Variants in ANO2 observed in about 807,000 individuals in gnomAD.
The protein encoded by ANO2 is anoctamin-2.
Under a neutral mutation model 124.2 loss-of-function variants are expected in ANO2, and 101 were observed. The ratio of observed to expected loss-of-function variants is 0.81; its 90% confidence interval spans 0.69 to 0.96. The LOEUF is 0.96. ANO2 is among the 40% of genes least tolerant of loss of function. The pLI is 0.00. For missense variants in ANO2, 1,293 were observed against 1,274.5 expected, an observed-to-expected ratio of 1.01 and a Z score of -0.22; for synonymous variants, 486 against 482.5, an observed-to-expected ratio of 1.01 and a Z score of -0.09.
chr12:5,645,423 G>T (rs542524162), intron 15 of ANO2, among the ~76,000 whole-genome samples: 2 of 147,880 alleles, frequency 1.4e-5, no homozygotes, highest in African/African-American at 5.3e-5. Context: ...TCGTGTGTGT[G>T]TGAATGTGTG....
chr12:5,921,517 G>A (rs780919798), intron 2 of ANO2, among the ~76,000 whole-genome samples, 151 bp from the exon 3 acceptor site: 10 of 152,102 alleles, frequency 6.6e-5, no homozygotes, highest in African/African-American at 9.7e-5. Flanking sequence ...TAAAAGGACC[G>A]AATGGCCTAA....
intron 13 of ANO2, among the ~76,000 whole-genome samples, chr12:5,734,148 G>C (rs1950759772): frequency 1.3e-5 from 2 of 152,204 alleles, no homozygotes; most frequent in Admixed American, 1.3e-4. Flanking sequence ...GAAAACACTA[G>C]AACGTATCGA....
At chr12:5,686,693 G>T (rs1948724823) in intron 14 of ANO2, among the ~76,000 whole-genome samples, 1 of 152,232 alleles carries the variant, frequency 6.6e-6, no homozygotes, top group Admixed American at 6.5e-5. Flanking sequence ...TGGCACCAAA[G>T]CAGGCAGCAA....
At chr12:5,571,296 G>A (rs1408232415) in intron 23 of ANO2, among the ~76,000 whole-genome samples, 1 of 152,246 alleles carries the variant, frequency 6.6e-6, no homozygotes, top group African/African-American at 2.4e-5. Flanking sequence ...AATCATGCCT[G>A]CAGATTGATG....
intron 16 of ANO2, among the ~76,000 whole-genome samples, chr12:5,617,153 A>G (rs1347545008): frequency 8.1e-6 from 1 of 124,018 alleles, no homozygotes; most frequent in African/African-American, 3.1e-5. Context: ...CAGTGTACCA[A>G]CCTCTCCAGA....
chr12:5,732,230 A>G (rs1592014311), intron 14 of ANO2, among the ~76,000 whole-genome samples: 1 of 152,144 alleles, frequency 6.6e-6, no homozygotes, highest in East Asian at 1.9e-4. Context: ...TTATTATTCA[A>G]TATTTAGATG....
At chr12:5,669,304 C>T (rs1327692098) in intron 14 of ANO2, among the ~76,000 whole-genome samples, 3 of 151,780 alleles carry the variant, frequency 2.0e-5, no homozygotes, top group African/African-American at 4.8e-5. Context: ...TTGTAGCAAT[C>T]GTGAATGGGA....
intron 14 of ANO2, among the ~76,000 whole-genome samples, chr12:5,722,576 G>A (rs558114353): frequency 3.3e-5 from 5 of 152,278 alleles, no homozygotes; most frequent in South Asian, 4.1e-4. Flanking sequence ...ACTGTGTGGC[G>A]GTGTACGGAT....
intron 4 of ANO2, among the ~76,000 whole-genome samples, chr12:5,839,913 C>T (rs1954459682): frequency 6.6e-6 from 1 of 152,122 alleles, no homozygotes; most frequent in Non-Finnish European, 1.5e-5. Flanking sequence ...ACCTAACATC[C>T]TTTGATCCTT....
chr12:5,744,460 C>T (rs2071207002), intron 11 of ANO2, 143 bp from the exon 12 acceptor site: 1 of 912,596 alleles, frequency 1.1e-6, no homozygotes, highest in Non-Finnish European at 1.7e-6. Context: ...AAGAAGTTAG[C>T]ATTGTATTCT....
At chr12:5,619,788 A>G (rs911564562) in intron 16 of ANO2, among the ~76,000 whole-genome samples, 1 of 152,262 alleles carries the variant, frequency 6.6e-6, no homozygotes, top group Non-Finnish European at 1.5e-5. Context: ...TTGGAGGTTT[A>G]CAACATTTCT....
Position 5,896,593 on chromosome 12 carries a change from C to T in ANO2, c.534+24447G>A, listed in dbSNP as rs947958371. ...GAAGATAATGGGTGCTTCATAGGAA[C>T]CTAAATGGGATGGTAACTAACACTG... On this transcript the variant is annotated intron_variant, in intron 3 of 24. Transcript: ENST00000682330. Among the ~76,000 whole-genome samples the T allele has an allele frequency of 2.0e-5, 3 of 152,162 alleles. No homozygotes were observed. The East Asian group carries it at 5.8e-4, about 29-fold the overall frequency.
intron 19 of ANO2, among the ~76,000 whole-genome samples, chr12:5,607,293 G>A (rs1408407162): frequency 6.6e-6 from 1 of 152,098 alleles, no homozygotes; most frequent in East Asian, 1.9e-4. Flanking sequence ...ATGCCACACA[G>A]TAAAATGTTG....
At position 5,865,230 on chromosome 12, in the gene ANO2, T is replaced by C. The variant is rs144241574; in HGVS notation, c.535-11089A>G. On this transcript the variant is annotated intron_variant, in intron 3 of 24. Coordinates refer to ENST00000682330, the MANE Select transcript of ANO2 (RefSeq NM_001364791.2). ...ACAAGTATTTATTGGGCAACGACTG[T>C]GTGCTTGGCAATGTGCTAAGAGTTA... 3.2e-3 allele frequency among the ~76,000 whole-genome samples: 489 copies of C among 152,348 alleles called. 3 individuals are homozygous for C. The highest frequency in any genetic ancestry group is 0.011 in the African/African-American group (465 of 41,582).
At chr12:5,754,966 T>C (rs1307344092) in intron 10 of ANO2, among the ~76,000 whole-genome samples, 1 of 152,094 alleles carries the variant, frequency 6.6e-6, no homozygotes, top group Non-Finnish European at 1.5e-5. Context: ...GCTTAGTTTT[T>C]TCTTCTTTTG....
intron 4 of ANO2, among the ~76,000 whole-genome samples, chr12:5,845,775 T>C (rs971933322): frequency 2.0e-5 from 3 of 152,184 alleles, no homozygotes; most frequent in Admixed American, 6.5e-5. Flanking sequence ...TGTGTGCCCT[T>C]GGATAAGTTT....
At chr12:5,596,350 AAAAT>A (rs62803060) in intron 20 of ANO2, among the ~76,000 whole-genome samples, 5,264 of 152,340 alleles carry the variant, frequency 0.035, 126 homozygotes, top group Middle Eastern at 0.065. Flanking sequence ...GGGAAATAAA[AAAAT>A]AAATGTGAGT....
chr12:5,636,364 G>A lies in ANO2; in HGVS notation c.1621-1017C>T, dbSNP rs1273925052. On this transcript the variant is annotated intron_variant, in intron 15 of 24. Transcript: ENST00000682330. The surrounding 1 kb of genome is among the most constrained non-coding windows in gnomAD (Gnocchi z 4.6). ...AAGCCTCTTAGAGGGGATAGAAGAA[G>A]GAGAGACAACTGCTAGGTGCATGCC... Among the ~76,000 whole-genome samples the A allele has an allele frequency of 6.6e-6, 1 of 152,080 alleles. No individual in the cohort carries two copies. Among genetic ancestry groups the A allele is most frequent in the Non-Finnish European group, 1.5e-5 (1 of 68,016 alleles).
intron 10 of ANO2, among the ~76,000 whole-genome samples, chr12:5,774,966 T>C (rs1952184415): frequency 6.6e-6 from 1 of 152,236 alleles, no homozygotes; most frequent in Non-Finnish European, 1.5e-5. Context: ...GAACATTTAT[T>C]GAGCACCTAC....
Sources: allele counts gnomAD v4.1 joint callset (sites outside exome capture counted in the v4.1 genomes callset), GRCh38; gene constraint gnomAD v4.1.1; non-coding constraint Gnocchi (gnomAD v3.1); transcripts MANE v1.5; gene names NCBI Gene and HGNC (gene_info 2026-07-23, HGNC 2026-07-21).